Variants in DDX31 observed in about 807,000 individuals in gnomAD.
DDX31 encodes ATP-dependent DNA helicase DDX31.
DDX31 carries 70 observed loss-of-function variants against 91.3 expected under a neutral mutation model. The observed-to-expected ratio is 0.77, with a 90% confidence interval of 0.63 to 0.94. The LOEUF (loss-of-function observed/expected upper bound fraction) is 0.94. DDX31 is among the 40% of genes least tolerant of loss of function. The pLI is 0.00. For synonymous variants in DDX31, 362 were observed against 350.6 expected, an observed-to-expected ratio of 1.03 and a Z score of -0.36; for missense variants, 902 against 925.0, an observed-to-expected ratio of 0.98 and a Z score of 0.32.
intron 16 of DDX31, 126 bp downstream of exon 16, chr9:132,630,127 TGGCTATTCTGG>T: frequency 1.1e-6 from 1 of 950,922 alleles, no homozygotes; most frequent in Admixed American, 2.6e-5. Flanking sequence ...TTTTTGCCAC[TGGCTATTCTGG>T]GACTCATTTA....
At chr9:132,650,556 C>T (rs1231177920) in intron 8 of DDX31, among the ~76,000 whole-genome samples, 1 of 152,196 alleles carries the variant, frequency 6.6e-6, no homozygotes, top group East Asian at 1.9e-4. Flanking sequence ...ATTCAAGTAG[C>T]TTGCCTTTCT....
chr9:132,642,960 G>A (rs188589774), intron 13 of DDX31, among the ~76,000 whole-genome samples: 43 of 152,068 alleles, frequency 2.8e-4, no homozygotes, highest in Admixed American at 2.2e-3. Context: ...GAGTAGCTGG[G>A]ACTACAGGCA....
At chr9:132,600,030 A>T (rs900728435) in intron 19 of DDX31, among the ~76,000 whole-genome samples, 10 of 152,256 alleles carry the variant, frequency 6.6e-5, no homozygotes, top group African/African-American at 2.4e-4. Flanking sequence ...TGAGGGTAAC[A>T]GGCAACTCCA....
chr9:132,597,591 C>G (rs1156614003), intron 19 of DDX31, among the ~76,000 whole-genome samples: 7 of 152,232 alleles, frequency 4.6e-5, no homozygotes, highest in Admixed American at 4.6e-4. Flanking sequence ...AAATAAAGAA[C>G]CAGCATCTTA....
rs1262487241 is a variant in DDX31 at position 132,645,988 on chromosome 9, C to T, written c.1287G>A (p.Leu429=). 2.5e-6 allele frequency: 4 copies of T among 1,614,114 alleles called. No homozygotes were observed. The highest frequency in any genetic ancestry group is 1.1e-5 in the South Asian group (1 of 91,062). Residue 429 remains leucine (L), a synonymous_variant, in exon 13 of 20, where the codon CTG becomes CTA. Coordinates refer to ENST00000372159, the MANE Select transcript of DDX31 (RefSeq NM_022779.9). ...ATGCCGGCGCCCCTGAGCTGCTCAG[C>T]AGGGTCTGTAGGAAGAGGCTGTAGT... ...EFHYSLFLQT[L]LSSSGAPASG... is the part of the protein sequence containing the mutation.
At chr9:132,636,089 G>A (rs1021279671) in intron 14 of DDX31, among the ~76,000 whole-genome samples, 1 of 152,194 alleles carries the variant, frequency 6.6e-6, no homozygotes, top group African/African-American at 2.4e-5. Flanking sequence ...GTCTTCACTC[G>A]TAACTGAGAT....
Position 132,612,099 on chromosome 9 carries a change from G to A in DDX31, c.1982C>T (p.Ala661Val). The change falls in exon 19 of 20, where the codon GCA becomes GTA. Residue 661 changes from alanine to valine, a missense_variant. Transcript: ENST00000372159. ...LSALTRKKRK[A>V]HVKRPDLHKK... is the part of the protein sequence containing the mutation. ...CAGCTCATCTTACCTTTTCACGTGTGCTTTCCTCTTCTTTCTAGTCAAGGC... is the reference window on the plus strand; with the variant it reads ...CAGCTCATCTTACCTTTTCACGTGTACTTTCCTCTTCTTTCTAGTCAAGGC... The A allele has an allele frequency of 3.1e-6, 5 of 1,613,894 alleles. No homozygotes were observed. The highest frequency in any genetic ancestry group is 4.2e-6 in the Non-Finnish European group (5 of 1,179,768).
At position 132,612,171 on chromosome 9, in the gene DDX31, T is replaced by C. The variant is rs1456767268; in HGVS notation, c.1910A>G (p.His637Arg). ...TCTTAGTCCGAAGCTCTTCGCCACA[T>C]GCCCAAGGTGGAGGGATCGGACGTG... ...IFHVRSLHLG[H>R]VAKSFGLRDA... Residue 637 changes from histidine (H) to arginine (R), a missense_variant, in exon 19 of 20, where the codon CAT becomes CGT. Transcript: ENST00000372159. 5.0e-6 allele frequency: 8 copies of C among 1,614,162 alleles called. No homozygotes were observed. Among genetic ancestry groups the C allele is most frequent in the Non-Finnish European group, 6.8e-6 (8 of 1,180,012 alleles).
At chr9:132,668,221 A>G (rs1564346942) in intron 1 of DDX31, among the ~76,000 whole-genome samples, 1 of 152,162 alleles carries the variant, frequency 6.6e-6, no homozygotes, top group Non-Finnish European at 1.5e-5. Flanking sequence ...CCTCTTTTCT[A>G]AGAGACAAAT....
At chr9:132,661,393 C>T (rs901920036) in intron 3 of DDX31, 142 bp from the exon 4 acceptor site, 2 of 740,406 alleles carry the variant, frequency 2.7e-6, no homozygotes, top group African/African-American at 3.6e-5. Flanking sequence ...GTGCTCTCTA[C>T]TTGGGGCGAT....
intron 14 of DDX31, chr9:132,637,875 C>T (rs1284544363): frequency 2.0e-6 from 2 of 988,038 alleles, no homozygotes; most frequent in African/African-American, 3.5e-5. Flanking sequence ...GCACGAAAGT[C>T]TACATTTATT....
chr9:132,666,876 G>A (rs1440640814), intron 1 of DDX31, among the ~76,000 whole-genome samples: 1 of 152,038 alleles, frequency 6.6e-6, no homozygotes, highest in Admixed American at 6.6e-5. Context: ...ACCACACCCG[G>A]CTAATTTTTT....
In DDX31 at chr9:132,631,974, G is replaced by GCCA. The variant is rs555454151; in HGVS notation, c.1491+64_1491+66dup. 324 of 1,395,052 alleles carry GCCA rather than the reference G, an allele frequency of 2.3e-4. 4 individuals are homozygous for GCCA. In the South Asian group the frequency reaches 3.8e-3, roughly 16 times the overall value. The allele number at this position is 1,395,052 out of a possible 1,614,324, so 86.4% of individuals were successfully genotyped here. ...GATAATAATAATTATTCTACTTAAA[G>GCCA]CCAATGCATCTACTCATGATCATAT... is the stretch of plus-strand genomic sequence containing the variant. On this transcript the variant is annotated intron_variant, in intron 15 of 19. Transcript: ENST00000372159.
At chr9:132,614,787 T>C (rs1056926584) in intron 18 of DDX31, among the ~76,000 whole-genome samples, 2 of 152,154 alleles carry the variant, frequency 1.3e-5, no homozygotes, top group Non-Finnish European at 2.9e-5. Context: ...AGGAAGTGTT[T>C]TCTCCCCAGA....
At chr9:132,617,319 T>A (rs952705544) in intron 18 of DDX31, among the ~76,000 whole-genome samples, 11 of 151,990 alleles carry the variant, frequency 7.2e-5, no homozygotes, top group Non-Finnish European at 1.6e-4. Flanking sequence ...ACCTCCCCCA[T>A]CTCCTTCTAC....
chr9:132,635,639 A>T (rs1272101615), intron 14 of DDX31, among the ~76,000 whole-genome samples: 1 of 151,286 alleles, frequency 6.6e-6, no homozygotes, highest in Admixed American at 6.6e-5. Context: ...AATACTATGC[A>T]AAATTTCTAT....
Position 132,627,918 on chromosome 9 carries a change from C to T in DDX31, c.1632-2173G>A, listed in dbSNP as rs78085780. Among the ~76,000 whole-genome samples, 16 of 152,346 alleles carry T rather than the reference C, an allele frequency of 1.1e-4. No individual in the cohort carries two copies. The East Asian group carries it at 2.9e-3, about 28-fold the overall frequency. On this transcript the variant is annotated intron_variant, in intron 16 of 19. Transcript: ENST00000372159. ...TTCTCAGGCACGAAACATGCACATG[C>T]TTCCTCCTCAAAAAATATTTAGGAG... is the stretch of plus-strand genomic sequence containing the variant.
intron 18 of DDX31, 178 bp from the exon 19 acceptor site, chr9:132,612,433 T>A: frequency 2.7e-4 from 162 of 606,274 alleles, no homozygotes; most frequent in East Asian, 4.0e-4. Context: ...CTTCAATTCC[T>A]AAACAACAAA....
chr9:132,608,414 T>C (rs1831141708), intron 19 of DDX31, among the ~76,000 whole-genome samples: 1 of 152,162 alleles, frequency 6.6e-6, no homozygotes, highest in African/African-American at 2.4e-5. Context: ...TATTTTTCTT[T>C]TCTGAAAAGT....
Sources: gnomAD v4.1 joint callset for allele counts (sites outside exome capture counted in the v4.1 genomes callset) on GRCh38, gnomAD v4.1.1 for gene constraint, MANE v1.5 for transcripts, NCBI Gene and HGNC (gene_info 2026-07-23, HGNC 2026-07-21) for gene names.